HDAC9: variants seen among roughly 807,000 people sequenced by gnomAD.
HDAC9 encodes MEF-2 interacting transcription repressor (MITR) protein.
A neutral mutation model predicts 139.4 loss-of-function variants in HDAC9; 41 were observed. The ratio of observed to expected loss-of-function variants is 0.29; its 90% CI spans 0.23 to 0.38. The LOEUF (loss-of-function observed/expected upper bound fraction) is 0.38. Among genes scored for constraint, HDAC9 ranks in the 10% least tolerant of loss-of-function variants. The probability of loss-of-function intolerance (pLI) is 1.00; values close to 1 mark genes in which losing one functional copy is unlikely to be tolerated. For synonymous variants in HDAC9, 517 were observed against 476.2 expected (o/e 1.09, Z -1.12); for missense variants, 1,147 against 1,297.0 (o/e 0.88, Z 1.78).
In HDAC9 at chr7:18,680,019, A is replaced by G. The variant is rs892621431; in HGVS notation, c.1731+13543A>G. On this transcript the variant is annotated intron_variant, in intron 12 of 25. Transcript: ENST00000686413. ...GGTTTCTTTATCCAGGATGACAATTACTATGGCATAGTTCATGTTCTTTGC... is the reference window on the plus strand; with the variant it reads ...GGTTTCTTTATCCAGGATGACAATTGCTATGGCATAGTTCATGTTCTTTGC... 6.6e-5 allele frequency among the ~76,000 whole-genome samples: 10 copies of G among 151,982 alleles called. No individual in the cohort carries two copies. The East Asian group carries it at 1.7e-3, about 27-fold the overall frequency.
At position 18,966,848 on chromosome 7, in the gene HDAC9, T is replaced by G. The variant is rs1163671729; in HGVS notation, c.3023-8958T>G. The stretch of plus-strand genomic sequence containing the variant: ...TCTCAATACTTTTGCTACAGAGATT[T>G]TGTCAATTATTATACATTGCAACTT... On this transcript the variant is annotated intron_variant, in intron 24 of 25. Transcript: ENST00000686413. Among the ~76,000 whole-genome samples, 9 of 151,860 alleles carry G rather than the reference T, an allele frequency of 5.9e-5. No homozygotes were observed. In the South Asian group the frequency reaches 1.7e-3, roughly 28 times the overall value.
In HDAC9 at chr7:18,762,286, G is replaced by C. The variant is rs1294925620; in HGVS notation, c.2164+9G>C. 9.3e-6 allele frequency: 15 copies of C among 1,612,886 alleles called. No individual in the cohort carries two copies. The highest frequency in any genetic ancestry group is 1.7e-5 in the Admixed American group (1 of 59,906). On this transcript the variant is annotated intron_variant, in intron 15 of 25. Transcript: ENST00000686413. Reference sequence around the variant, plus strand: ...CCCCAGGATACTCCTAGGTCTGTACGGGCCTCCACTGTACTGGGAACAGCA... The same window carrying C: ...CCCCAGGATACTCCTAGGTCTGTACCGGCCTCCACTGTACTGGGAACAGCA...
chr7:18,742,191 C>T (rs1409220872), intron 13 of HDAC9, among the ~76,000 whole-genome samples: 1 of 152,162 alleles, frequency 6.6e-6, no homozygotes, highest in Non-Finnish European at 1.5e-5. Flanking sequence ...AAGCAGCATT[C>T]CATGCTACAG....
intron 14 of HDAC9, among the ~76,000 whole-genome samples, chr7:18,749,433 T>A (rs1264769211): frequency 1.3e-5 from 2 of 152,186 alleles, no homozygotes; most frequent in African/African-American, 4.8e-5. Context: ...ATTTATTGAG[T>A]TGATCTTCTG....
chr7:18,318,949 C>T (rs987042706), intron 1 of HDAC9, among the ~76,000 whole-genome samples: 5 of 152,158 alleles, frequency 3.3e-5, no homozygotes, highest in African/African-American at 1.2e-4. Flanking sequence ...GCAGATAGAT[C>T]CAAGAAATGC....
chr7:18,462,586 GT>G (rs1236348523), intron 1 of HDAC9, among the ~76,000 whole-genome samples: 3 of 151,826 alleles, frequency 2.0e-5, no homozygotes, highest in African/African-American at 7.2e-5. Flanking sequence ...CAGTGTTTTT[GT>G]TTCATTTTGC....
At chr7:18,848,806 T>C (rs1797079928) in intron 21 of HDAC9, among the ~76,000 whole-genome samples, 1 of 152,120 alleles carries the variant, frequency 6.6e-6, no homozygotes, top group Admixed American at 6.6e-5. Flanking sequence ...AAACACTGGA[T>C]ACAAGAAATG....
chr7:18,990,657 C>T (rs1785824991), intron 25 of HDAC9, among the ~76,000 whole-genome samples: 1 of 152,212 alleles, frequency 6.6e-6, no homozygotes, highest in South Asian at 2.1e-4. Flanking sequence ...CTGGCTGCCG[C>T]CTTGCAGTTT....
chr7:18,678,569 A>G (rs1053382585), intron 12 of HDAC9, among the ~76,000 whole-genome samples: 2 of 151,610 alleles, frequency 1.3e-5, no homozygotes, highest in African/African-American at 4.8e-5. Context: ...TTCCTAGTGG[A>G]TGAACTTCTG....
chr7:18,450,602 C>G (rs957644184), intron 1 of HDAC9, among the ~76,000 whole-genome samples: 1 of 152,172 alleles, frequency 6.6e-6, no homozygotes, highest in Non-Finnish European at 1.5e-5. Context: ...CACATGTGAA[C>G]ACATTTGATT....
intron 2 of HDAC9, among the ~76,000 whole-genome samples, chr7:18,222,304 C>G (rs1347209200): frequency 6.6e-6 from 1 of 151,966 alleles, no homozygotes; most frequent in African/African-American, 2.4e-5. Flanking sequence ...AATTGTAGTT[C>G]TTTTAAAAAG....
intron 12 of HDAC9, among the ~76,000 whole-genome samples, chr7:18,714,096 G>T (rs1784534740): frequency 6.6e-6 from 1 of 152,142 alleles, no homozygotes; most frequent in Non-Finnish European, 1.5e-5. Flanking sequence ...TTATTTTATA[G>T]ATGTGCTCTG....
chr7:18,889,934 T>A (rs953314767), intron 22 of HDAC9, among the ~76,000 whole-genome samples: 17 of 152,182 alleles, frequency 1.1e-4, no homozygotes, highest in Admixed American at 3.3e-4. Flanking sequence ...TGAACTCCTG[T>A]GCTCAAGTGA....
At chr7:18,454,556 T>G (rs1237297971) in intron 1 of HDAC9, among the ~76,000 whole-genome samples, 1 of 152,024 alleles carries the variant, frequency 6.6e-6, no homozygotes, top group African/African-American at 2.4e-5. Context: ...TAGAGTAAGC[T>G]CAACATAATA....
At chr7:18,409,912 G>C (rs1264878584) in intron 1 of HDAC9, among the ~76,000 whole-genome samples, 1 of 152,164 alleles carries the variant, frequency 6.6e-6, no homozygotes, top group Non-Finnish European at 1.5e-5. Context: ...TTTTAGCATA[G>C]AGAAATAGTG....
chr7:18,987,391 C>G lies in HDAC9; in HGVS notation c.3171-8632C>G, dbSNP rs189119949. Among the ~76,000 whole-genome samples, 5 of 152,252 alleles carry G rather than the reference C, an allele frequency of 3.3e-5. 1 individual carries two copies. The highest frequency in any genetic ancestry group is 1.2e-4 in the African/African-American group (5 of 41,550). ...CATTTATTGATTTGCATATATTGAACCAGCCTTGCATCCCAGGAATGAAGC... is the reference window on the plus strand; with the variant it reads ...CATTTATTGATTTGCATATATTGAAGCAGCCTTGCATCCCAGGAATGAAGC... On this transcript the variant is annotated intron_variant, in intron 25 of 25. Transcript: ENST00000686413.
At chr7:18,306,646 C>T (rs1047191524) in intron 1 of HDAC9, among the ~76,000 whole-genome samples, 7 of 152,166 alleles carry the variant, frequency 4.6e-5, no homozygotes, top group East Asian at 3.9e-4. Context: ...TTTTCTTCAA[C>T]GCCTTTTGAT....
chr7:18,170,561 G>GTT lies in HDAC9; in HGVS notation c.25+8219_25+8220dup, dbSNP rs146986627. 2.3e-3 allele frequency among the ~76,000 whole-genome samples: 344 copies of GTT among 151,664 alleles called. 1 individual carries two copies. The highest frequency in any genetic ancestry group is 7.8e-3 in the African/African-American group (322 of 41,342). ...GGTATTGCCTAGGTTTTCTTCTAGGGTTTTTTTTATGGTTTTAGGTCTAAC... is the reference window on the plus strand; with the variant it reads ...GGTATTGCCTAGGTTTTCTTCTAGGGTTTTTTTTTTATGGTTTTAGGTCTAAC... On this transcript the variant is annotated intron_variant, in intron 2 of 12. Transcript: ENST00000417496.
chr7:18,604,331 G>A (rs1045214479), intron 6 of HDAC9, among the ~76,000 whole-genome samples: 2 of 151,752 alleles, frequency 1.3e-5, no homozygotes, highest in Non-Finnish European at 2.9e-5. Context: ...TCTTTTTAGG[G>A]AGTTTCTATT....
Sources: allele counts gnomAD v4.1 joint callset (sites outside exome capture counted in the v4.1 genomes callset), GRCh38; gene constraint gnomAD v4.1.1; transcripts MANE v1.5; gene names NCBI Gene and HGNC (gene_info 2026-07-23, HGNC 2026-07-21).